ANKRD10: variants seen among roughly 807,000 people sequenced by gnomAD.
ANKRD10 encodes the protein ankyrin repeat domain-containing protein 10.
ANKRD10 carries 14 observed loss-of-function variants against 27.0 expected under a neutral mutation model. The ratio of observed to expected loss-of-function variants is 0.52; its 90% CI spans 0.34 to 0.81. The LOEUF is 0.81. Among genes scored for constraint, ANKRD10 ranks in the 40% least tolerant of loss-of-function variants. The probability of loss-of-function intolerance (pLI) is 0.01; values close to 1 mark genes in which losing one functional copy is unlikely to be tolerated. For missense variants in ANKRD10, 493 were observed against 544.0 expected, an observed-to-expected ratio of 0.91 and a Z score of 0.93; for synonymous variants, 250 against 224.5, an observed-to-expected ratio of 1.11 and a Z score of -1.01.
intron 1 of ANKRD10, chr13:110,911,790 A>C (rs907315621): frequency 3.3e-5 from 5 of 152,298 alleles, no homozygotes; most frequent in African/African-American, 1.2e-4. Flanking sequence ...AAAAAACAAA[A>C]AACAACAACA....
chr13:110,903,333 GT>G (rs756992721), intron 3 of ANKRD10: 1 of 152,306 alleles, frequency 6.6e-6, no homozygotes, highest in Non-Finnish European at 1.5e-5. Context: ...AATCCTGTGC[GT>G]TTTAATTTTT....
intron 2 of ANKRD10, among the ~76,000 whole-genome samples, chr13:110,907,530 GATTA>G: frequency 6.6e-6 from 1 of 152,292 alleles, no homozygotes. Context: ...AACAGTGGTA[GATTA>G]ATTTACAGAA....
chr13:110,897,578 A>G (rs1366015455), intron 3 of ANKRD10, among the ~76,000 whole-genome samples: 1 of 152,186 alleles, frequency 6.6e-6, no homozygotes, highest in African/African-American at 2.4e-5. Flanking sequence ...TCCACGGGGT[A>G]TATATACCAC....
At position 110,878,748 on chromosome 13, in the gene ANKRD10, T is replaced by G. The variant is rs2064757067; in HGVS notation, c.*889A>C. 6.6e-6 allele frequency: 1 copy of G among 152,640 alleles called. No individual in the cohort carries two copies. The highest frequency in any genetic ancestry group is 2.4e-5 in the African/African-American group (1 of 41,454). The allele number at this position is 152,640 out of a possible 1,614,324, so 9.5% of individuals were successfully genotyped here. A position where few individuals can be genotyped will look rare whatever the true frequency, so the allele number is the denominator to read the frequency against. ...AGCTAATTTCTACAAAATCAAAAAC[T>G]TAATGCAGTTTTATTAAGAGAGTCA... On this transcript the variant is annotated 3_prime_UTR_variant, in exon 6 of 6. Coordinates refer to ENST00000267339, the MANE Select transcript of ANKRD10 (RefSeq NM_017664.4).
intron 3 of ANKRD10, among the ~76,000 whole-genome samples, chr13:110,895,654 G>C (rs1431729489): frequency 1.3e-5 from 2 of 152,174 alleles, no homozygotes; most frequent in East Asian, 3.8e-4. Flanking sequence ...CCAACATTCT[G>C]AAATTGTTAA....
chr13:110,907,847 G>C (rs1461003528), intron 2 of ANKRD10, among the ~76,000 whole-genome samples: 1 of 151,858 alleles, frequency 6.6e-6, no homozygotes, highest in Non-Finnish European at 1.5e-5. Flanking sequence ...CTGAGATTTA[G>C]ATAAAGTTTT....
chr13:110,882,103 G>A (rs2064830805), intron 5 of ANKRD10, among the ~76,000 whole-genome samples: 1 of 152,182 alleles, frequency 6.6e-6, no homozygotes, highest in Non-Finnish European at 1.5e-5. Context: ...TCAGGATTTA[G>A]AAGCAAGCAC....
chr13:110,898,915 C>T, intron 3 of ANKRD10: 1 of 152,274 alleles, frequency 6.6e-6, no homozygotes, highest in Non-Finnish European at 1.5e-5. Context: ...ACCACCACAC[C>T]CAGCTAATTT....
intron 3 of ANKRD10, chr13:110,894,159 G>A (rs769559173): frequency 2.5e-6 from 4 of 1,612,286 alleles, no homozygotes; most frequent in Non-Finnish European, 3.4e-6. Context: ...CCATGTTGAA[G>A]TTCCCCTGGA....
chr13:110,897,011 A>G (rs879365597), intron 3 of ANKRD10, among the ~76,000 whole-genome samples: 1 of 152,184 alleles, frequency 6.6e-6, no homozygotes, highest in Admixed American at 6.5e-5. Context: ...ATAATTGCAT[A>G]TGCATCACCT....
intron 2 of ANKRD10, among the ~76,000 whole-genome samples, chr13:110,907,337 C>T (rs1402884306): frequency 3.3e-5 from 5 of 152,166 alleles, no homozygotes; most frequent in African/African-American, 1.2e-4. Context: ...CACACTGCAA[C>T]CTCACTGGAA....
intron 3 of ANKRD10, among the ~76,000 whole-genome samples, chr13:110,898,777 C>T (rs1337138797): frequency 8.6e-5 from 10 of 116,532 alleles, no homozygotes; most frequent in Non-Finnish European, 1.2e-4. Context: ...TTTTTTGAGA[C>T]GGAGTTTCAC....
intron 4 of ANKRD10, among the ~76,000 whole-genome samples, chr13:110,892,416 C>CAAAAAAAAAAAGAAAAAAAA (rs2065099911): frequency 5.1e-5 from 1 of 19,550 alleles, no homozygotes; most frequent in East Asian, 4.1e-3. Context: ...GGTGACAGAG[C>CAAAAAAAAAAAGAAAAAAAA]AAAAAAAAAA....
chr13:110,910,539 T>C, intron 2 of ANKRD10, 79 bp downstream of exon 2: 1 of 1,540,956 alleles, frequency 6.5e-7, no homozygotes, highest in South Asian at 1.2e-5. Flanking sequence ...AAGGCCTCGA[T>C]TTAAAGCAAT....
At position 110,910,728 on chromosome 13, in the gene ANKRD10, T is replaced by C. The variant is rs2065673160; in HGVS notation, c.253A>G (p.Asn85Asp). Reference sequence around the variant, plus strand: ...TGCGCGTACCGTGTGGTGGAGACGTTGAGTGTGGCTCCCGCTCTCACCAAC... The same window carrying C: ...TGCGCGTACCGTGTGGTGGAGACGTCGAGTGTGGCTCCCGCTCTCACCAAC... ...VQLVRAGATL[N>D]VSTTRYAQTP... Residue 85 changes from asparagine (N) to aspartate (D), a missense_variant, in exon 2 of 6, where the codon AAC becomes GAC. Physicochemically the swap from Asn to Asp is conservative, Grantham distance 23. Coordinates refer to ENST00000267339, the MANE Select transcript of ANKRD10 (RefSeq NM_017664.4). 6.2e-7 allele frequency: 1 copy of C among 1,614,188 alleles called. No homozygotes were observed. The highest frequency in any genetic ancestry group is 8.5e-7 in the Non-Finnish European group (1 of 1,180,020).
In ANKRD10 at chr13:110,910,631, T is replaced by C; in HGVS notation, c.350A>G (p.Asn117Ser). 6.2e-7 allele frequency: 1 copy of C among 1,613,934 alleles called. No individual in the cohort carries two copies. Among genetic ancestry groups the C allele is most frequent in the Non-Finnish European group, 8.5e-7 (1 of 1,179,986 alleles). Residue 117 changes from asparagine to serine, a missense_variant, in exon 2 of 6, where the codon AAC becomes AGC. Physicochemically the swap from Asn to Ser is conservative, Grantham distance 46. Coordinates refer to ENST00000267339, the MANE Select transcript of ANKRD10 (RefSeq NM_017664.4). The part of the protein sequence containing the change: ...CLVWLIQAGA[N>S]INKPDCEGET... ...CAGCACTCTTACCGGTTTGTTAATG[T>C]TGGCTCCTGCTTGAATCAGCCAGAC...
intron 1 of ANKRD10, among the ~76,000 whole-genome samples, chr13:110,913,625 G>A (rs181753344): frequency 8.6e-4 from 131 of 152,226 alleles, no homozygotes; most frequent in African/African-American, 3.0e-3. Context: ...TAGCACCAGG[G>A]GCAGCAAGGT....
chr13:110,914,610 C>G (rs962733788), intron 1 of ANKRD10, 115 bp downstream of exon 1: 1 of 1,413,774 alleles, frequency 7.1e-7, no homozygotes, highest in Non-Finnish European at 9.3e-7. Flanking sequence ...CGCCGTCGAT[C>G]CCGCTTCCGC....
chr13:110,884,616 A>G (rs753281342), intron 4 of ANKRD10, among the ~76,000 whole-genome samples: 5 of 152,214 alleles, frequency 3.3e-5, no homozygotes, highest in Non-Finnish European at 7.3e-5. Flanking sequence ...TTTCAAAACA[A>G]TCTTTCCTCT....
Sources: allele counts gnomAD v4.1 joint callset (sites outside exome capture counted in the v4.1 genomes callset), GRCh38; gene constraint gnomAD v4.1.1; transcripts MANE v1.5; gene names NCBI Gene and HGNC (gene_info 2026-07-23, HGNC 2026-07-21).